LRRFIP2: variants seen among roughly 807,000 people sequenced by gnomAD.
The protein encoded by LRRFIP2 is LRR binding FLII interacting protein 2.
LRRFIP2 carries 109 observed loss-of-function variants against 125.9 expected under a neutral mutation model. The ratio of observed to expected loss-of-function variants is 0.87; its 90% CI spans 0.74 to 1.01. The LOEUF (loss-of-function observed/expected upper bound fraction) is 1.01. Among genes scored for constraint, LRRFIP2 ranks in the 50% least tolerant of loss-of-function variants. The pLI is 0.00. For missense variants in LRRFIP2, 850 were observed against 862.3 expected (o/e 0.99, Z 0.18); for synonymous variants, 291 against 293.1 (o/e 0.99, Z 0.07).
chr3:37,098,470 C>T (rs1479152360), intron 15 of LRRFIP2, among the ~76,000 whole-genome samples: 3 of 151,902 alleles, frequency 2.0e-5, no homozygotes, highest in Non-Finnish European at 4.4e-5. Flanking sequence ...TCACTGCACC[C>T]TCTGCCTCCC....
intron 21 of LRRFIP2, 33 bp downstream of exon 21, chr3:37,072,757 A>T (rs560528073): frequency 7.7e-7 from 1 of 1,297,856 alleles, no homozygotes; most frequent in Non-Finnish European, 1.1e-6. Context: ...CTCATCAATG[A>T]GCTTCTAACC....
Position 37,080,641 on chromosome 3 carries a change from ACCT to A in LRRFIP2, c.1278+2992_1278+2994del, listed in dbSNP as rs141269301. On this transcript the variant is annotated intron_variant, in intron 19 of 27. Transcript: ENST00000336686. ...TTTGATTAAGCCTCTGTGCCTAACTACCTATTTACAGAGAATACAGAGGAAAGG... is the reference window on the plus strand; with the variant it reads ...TTTGATTAAGCCTCTGTGCCTAACTAATTTACAGAGAATACAGAGGAAAGG... Among the ~76,000 whole-genome samples, 354 of 152,136 alleles carry A rather than the reference ACCT, an allele frequency of 2.3e-3. 2 individuals are homozygous for A. The highest frequency in any genetic ancestry group is 7.9e-3 in the African/African-American group (329 of 41,530).
At chr3:37,141,572 T>C (rs888202622) in intron 2 of LRRFIP2, among the ~76,000 whole-genome samples, 16 of 152,216 alleles carry the variant, frequency 1.1e-4, no homozygotes, top group African/African-American at 3.9e-4. Context: ...TTTGATTTCA[T>C]TGGTTCAAAT....
intron 19 of LRRFIP2, among the ~76,000 whole-genome samples, chr3:37,077,140 G>A (rs997817764): frequency 3.3e-5 from 5 of 152,154 alleles, no homozygotes; most frequent in African/African-American, 1.2e-4. Flanking sequence ...GACTACAGCA[G>A]TATCTGCAAA....
intron 2 of LRRFIP2, among the ~76,000 whole-genome samples, chr3:37,142,267 T>C (rs62244271): frequency 0.072 from 10,796 of 150,954 alleles, 563 homozygotes; most frequent in Non-Finnish European, 0.11. Flanking sequence ...GCCTCCTGAG[T>C]AGCTGGAACT....
At chr3:37,167,456 C>A (rs11706079) in intron 1 of LRRFIP2, among the ~76,000 whole-genome samples, 48,865 of 148,850 alleles carry the variant, frequency 0.33, 9,802 homozygotes, top group Non-Finnish European at 0.45. Context: ...GAGTTCGAGA[C>A]CAGCCTGGCC....
At chr3:37,106,020 G>C (rs1003246895) in intron 13 of LRRFIP2, among the ~76,000 whole-genome samples, 2 of 152,058 alleles carry the variant, frequency 1.3e-5, no homozygotes, top group Admixed American at 6.6e-5. Context: ...AGCCAAGATC[G>C]TGCCATTGCA....
At chr3:37,157,613 T>C (rs2096236909) in intron 1 of LRRFIP2, among the ~76,000 whole-genome samples, 1 of 151,998 alleles carries the variant, frequency 6.6e-6, no homozygotes, top group Non-Finnish European at 1.5e-5. Flanking sequence ...ATCCTGCAAA[T>C]ATCTAAATGA....
intron 14 of LRRFIP2, among the ~76,000 whole-genome samples, chr3:37,104,634 A>G (rs1344360775): frequency 6.6e-6 from 1 of 152,232 alleles, no homozygotes; most frequent in Non-Finnish European, 1.5e-5. Context: ...TACCATCCGG[A>G]ACAATGTATT....
intron 1 of LRRFIP2, among the ~76,000 whole-genome samples, chr3:37,150,073 T>C (rs116354287): frequency 0.026 from 3,996 of 152,216 alleles, 76 homozygotes; most frequent in Middle Eastern, 0.031. Flanking sequence ...TTTATTACTC[T>C]GCAATTAACA....
chr3:37,092,006 A>G (rs2093469277), intron 17 of LRRFIP2, among the ~76,000 whole-genome samples: 1 of 152,236 alleles, frequency 6.6e-6, no homozygotes, highest in African/African-American at 2.4e-5. Context: ...ATAAATGAAT[A>G]TGAACAAAGT....
intron 1 of LRRFIP2, among the ~76,000 whole-genome samples, chr3:37,163,237 T>C (rs2150277438): frequency 6.6e-6 from 1 of 152,360 alleles, no homozygotes; most frequent in Non-Finnish European, 1.5e-5. Context: ...CCTCAGTTGA[T>C]GCTTGCTATT....
At chr3:37,108,232 G>A (rs2094418767) in intron 12 of LRRFIP2, 103 bp from the exon 13 acceptor site, 1 of 866,070 alleles carries the variant, frequency 1.2e-6, no homozygotes, top group African/African-American at 1.7e-5. Flanking sequence ...TGGTTCTCAA[G>A]ATAAAGGTAA....
In LRRFIP2 at chr3:37,053,524, C is replaced by T; in HGVS notation, c.*327G>A. The T allele has an allele frequency of 3.4e-6, 1 of 292,372 alleles. No individual in the cohort carries two copies. The allele number at this position is 292,372 out of a possible 1,614,324, so 18.1% of individuals were successfully genotyped here. On this transcript the variant is annotated 3_prime_UTR_variant, in exon 28 of 28. Transcript: ENST00000336686. ...ACTCATAGAATTGCTGTCTGTCCTC[C>T]AGAACCCGTGCCAAGGCCTCCGAGT...
intron 2 of LRRFIP2, among the ~76,000 whole-genome samples, chr3:37,133,172 C>A (rs1313433744): frequency 1.3e-5 from 2 of 152,116 alleles, no homozygotes; most frequent in Non-Finnish European, 2.9e-5. Flanking sequence ...TTACAGTGAG[C>A]CAAGATTGCA....
chr3:37,099,347 T>C (rs1227472669), intron 15 of LRRFIP2, among the ~76,000 whole-genome samples: 7 of 152,178 alleles, frequency 4.6e-5, no homozygotes, highest in Admixed American at 4.6e-4. Context: ...CTAATGTTCA[T>C]AATGATGATC....
At chr3:37,157,577 G>A (rs2096235684) in intron 1 of LRRFIP2, among the ~76,000 whole-genome samples, 3 of 152,000 alleles carry the variant, frequency 2.0e-5, no homozygotes, top group South Asian at 4.1e-4. Flanking sequence ...AGAGGAAGGA[G>A]GGAGGGATTA....
intron 17 of LRRFIP2, among the ~76,000 whole-genome samples, chr3:37,092,474 T>C (rs1265743632): frequency 1.3e-5 from 2 of 152,190 alleles, no homozygotes; most frequent in African/African-American, 4.8e-5. Flanking sequence ...AGGCAGATGG[T>C]AGGATACAAA....
In LRRFIP2 at chr3:37,056,555, G is replaced by T. The variant is rs6764039; in HGVS notation, c.1871-1390C>A. Among the ~76,000 whole-genome samples the T allele has an allele frequency of 3.1e-3, 463 of 151,626 alleles. 3 individuals carry two copies. Among genetic ancestry groups the T allele is most frequent in the African/African-American group, 0.011 (441 of 41,326 alleles). On this transcript the variant is annotated intron_variant, in intron 25 of 27. Coordinates refer to ENST00000336686, the MANE Select transcript of LRRFIP2 (RefSeq NM_006309.4). ...TGCAAGCTCCATCACCCAGGTTCAC[G>T]CCATTCTCCTGCCTCAGCCTCCTGA...
Sources: gnomAD v4.1 joint callset for allele counts (sites outside exome capture counted in the v4.1 genomes callset) on GRCh38, gnomAD v4.1.1 for gene constraint, MANE v1.5 for transcripts, NCBI Gene and HGNC (gene_info 2026-07-23, HGNC 2026-07-21) for gene names.